Variants in TBC1D5 observed in about 807,000 individuals in gnomAD.
The protein encoded by TBC1D5 is TBC1 domain family, member 5.
A neutral mutation model predicts 100.3 loss-of-function variants in TBC1D5; 75 were observed. The observed-to-expected ratio is 0.75, with a 90% confidence interval of 0.62 to 0.91. TBC1D5 has a LOEUF of 0.91. Among genes scored for constraint, TBC1D5 ranks in the 40% least tolerant of loss-of-function variants. The pLI, the probability that TBC1D5 is intolerant of heterozygous loss-of-function variation, is 0.00. For missense variants in TBC1D5, 910 were observed against 942.4 expected (o/e 0.97, Z 0.45); for synonymous variants, 323 against 325.6 (o/e 0.99, Z 0.09).
chr3:17,169,347 T>C (rs933659598), intron 19 of TBC1D5, among the ~76,000 whole-genome samples: 1 of 152,244 alleles, frequency 6.6e-6, no homozygotes, highest in Non-Finnish European at 1.5e-5. Context: ...CACTTGGAGC[T>C]TGCATATCAA....
At chr3:17,378,111 C>G (rs890910941) in intron 9 of TBC1D5, among the ~76,000 whole-genome samples, 1 of 151,532 alleles carries the variant, frequency 6.6e-6, no homozygotes, top group Non-Finnish European at 1.5e-5. Context: ...TATGGAAAAG[C>G]AAAAACCAAA....
intron 16 of TBC1D5, among the ~76,000 whole-genome samples, chr3:17,249,890 G>C (rs1267538747): frequency 6.6e-6 from 1 of 152,122 alleles, no homozygotes; most frequent in Non-Finnish European, 1.5e-5. Flanking sequence ...GCCCCAAAAC[G>C]ATAACAAGAT....
intron 2 of TBC1D5, among the ~76,000 whole-genome samples, chr3:17,601,102 T>C (rs986558336): frequency 3.3e-5 from 5 of 152,216 alleles, no homozygotes; most frequent in Admixed American, 3.3e-4. Context: ...AAAAATGCCT[T>C]GAAGATTGGT....
chr3:17,597,513 TG>T (rs1458278617), intron 2 of TBC1D5, among the ~76,000 whole-genome samples: 5 of 152,194 alleles, frequency 3.3e-5, no homozygotes, highest in Non-Finnish European at 7.4e-5. Context: ...TAAAAGGAAT[TG>T]TAACTATGGG....
At chr3:17,579,594 T>C (rs1043598280) in intron 2 of TBC1D5, among the ~76,000 whole-genome samples, 2 of 152,126 alleles carry the variant, frequency 1.3e-5, no homozygotes, top group Non-Finnish European at 2.9e-5. Context: ...TATCACTGTT[T>C]ATCACAAAAG....
chr3:17,162,220 C>T (rs1002383273), intron 21 of TBC1D5, among the ~76,000 whole-genome samples: 4 of 152,284 alleles, frequency 2.6e-5, no homozygotes, highest in Admixed American at 2.0e-4. Context: ...GGTGGAGTCT[C>T]GTGCTGGGGT....
intron 2 of TBC1D5, among the ~76,000 whole-genome samples, chr3:17,532,011 T>C (rs971406665): frequency 6.6e-6 from 1 of 152,136 alleles, no homozygotes; most frequent in Admixed American, 6.6e-5. Context: ...AAAGAGCTTC[T>C]GAACAGCAAA....
intron 13 of TBC1D5, among the ~76,000 whole-genome samples, chr3:17,346,996 C>T (rs996765519): frequency 6.6e-6 from 1 of 152,168 alleles, no homozygotes; most frequent in African/African-American, 2.4e-5. Flanking sequence ...TTGCCAATTA[C>T]TGTGTTAGCT....
intron 16 of TBC1D5, among the ~76,000 whole-genome samples, chr3:17,248,706 G>A (rs1311531074): frequency 6.6e-6 from 1 of 151,884 alleles, no homozygotes; most frequent in East Asian, 1.9e-4. Context: ...TTTTTTTTCT[G>A]AACAGTAGGT....
At chr3:17,615,703 G>A (rs569784610) in intron 2 of TBC1D5, among the ~76,000 whole-genome samples, 5 of 152,294 alleles carry the variant, frequency 3.3e-5, no homozygotes, top group Non-Finnish European at 7.4e-5. Flanking sequence ...TCTGATGGTA[G>A]TTTGTATTTC....
At chr3:17,629,522 G>C (rs2063324650) in intron 1 of TBC1D5, among the ~76,000 whole-genome samples, 2 of 152,308 alleles carry the variant, frequency 1.3e-5, no homozygotes, top group Non-Finnish European at 2.9e-5. Flanking sequence ...ATGTAACAGT[G>C]TAAGGACAGA....
intron 1 of TBC1D5, among the ~76,000 whole-genome samples, chr3:17,691,450 A>G (rs1405498119): frequency 1.2e-4 from 19 of 152,216 alleles, no homozygotes; most frequent in Non-Finnish European, 1.0e-4. Flanking sequence ...GAGATCCAAT[A>G]AATTCCATAT....
At chr3:17,518,787 T>C (rs1368818722) in intron 2 of TBC1D5, 1 of 152,304 alleles carries the variant, frequency 6.6e-6, no homozygotes, top group Non-Finnish European at 1.5e-5. Context: ...CAATGTAACA[T>C]GCCCTCTGGG....
chr3:17,722,282 C>T (rs2075770799), intron 1 of TBC1D5, among the ~76,000 whole-genome samples: 1 of 152,056 alleles, frequency 6.6e-6, no homozygotes, highest in Non-Finnish European at 1.5e-5. Flanking sequence ...ATACTTGGGA[C>T]CAGAAGTGTT....
At chr3:17,316,382 C>A (rs17043383) in intron 13 of TBC1D5, among the ~76,000 whole-genome samples, 13,069 of 152,070 alleles carry the variant, frequency 0.086, 1,257 homozygotes, top group African/African-American at 0.24. Context: ...GTTGCAGACC[C>A]CTTTGAGAAT....
At chr3:17,446,742 C>T (rs192972821) in intron 3 of TBC1D5, among the ~76,000 whole-genome samples, 9 of 152,144 alleles carry the variant, frequency 5.9e-5, no homozygotes, top group African/African-American at 1.4e-4. Context: ...GAGGCCGAGG[C>T]GGGTGGATCA....
chr3:17,197,435 G>A (rs1218929303), intron 18 of TBC1D5, among the ~76,000 whole-genome samples: 1 of 152,036 alleles, frequency 6.6e-6, no homozygotes, highest in Non-Finnish European at 1.5e-5. Context: ...GGAGTACAGT[G>A]GTGTGATCAT....
At chr3:17,699,546 T>TCATA (rs2072801415) in intron 1 of TBC1D5, among the ~76,000 whole-genome samples, 1 of 91,434 alleles carries the variant, frequency 1.1e-5, no homozygotes, top group African/African-American at 3.6e-5. Context: ...AGTATAATAA[T>TCATA]AATAAATAGA....
At chr3:17,355,250 G>C (rs566601006) in intron 13 of TBC1D5, among the ~76,000 whole-genome samples, 2 of 152,266 alleles carry the variant, frequency 1.3e-5, no homozygotes, top group South Asian at 4.1e-4. Context: ...AGCCCAGGGT[G>C]CTACCCTATC....
Sources: allele counts gnomAD v4.1 joint callset (sites outside exome capture counted in the v4.1 genomes callset), GRCh38; gene constraint gnomAD v4.1.1; transcripts MANE v1.5; gene names NCBI Gene and HGNC (gene_info 2026-07-23, HGNC 2026-07-21).